DPYSL2: variants seen among roughly 807,000 people sequenced by gnomAD.
The protein encoded by DPYSL2 is dihydropyrimidinase-related protein 2.
DPYSL2 carries 13 observed loss-of-function variants against 69.9 expected under a neutral mutation model. That is an observed-to-expected ratio of 0.19 (90% CI 0.12 to 0.30). DPYSL2 has a LOEUF of 0.30. Ranked by LOEUF, DPYSL2 falls within the 10% of genes least tolerant of loss-of-function variation. The pLI is 1.00. For synonymous variants in DPYSL2, 326 were observed against 359.1 expected, an observed-to-expected ratio of 0.91 and a Z score of 1.04; for missense variants, 587 against 918.9, an observed-to-expected ratio of 0.64 and a Z score of 4.67.
chr8:26,520,096 G>A (rs1162303974), intron 1 of DPYSL2, among the ~76,000 whole-genome samples: 1 of 152,136 alleles, frequency 6.6e-6, no homozygotes, highest in Admixed American at 6.6e-5. Flanking sequence ...CAGTGAATAA[G>A]TCTCACAAGA....
At chr8:26,563,800 T>C (rs564013678) in intron 1 of DPYSL2, among the ~76,000 whole-genome samples, 5 of 152,330 alleles carry the variant, frequency 3.3e-5, no homozygotes, top group Non-Finnish European at 7.3e-5. Flanking sequence ...TTTTTTACTA[T>C]CATATCCCTT....
At position 26,641,815 on chromosome 8, in the gene DPYSL2, C is replaced by T. The variant is rs118022714; in HGVS notation, c.1127-1624C>T. The stretch of plus-strand genomic sequence containing the variant: ...CCTGGAGTGAGCTGCCTGCTGTGGC[C>T]TCCAGCACTCCCCAGCTGAACAGCG... On this transcript the variant is annotated intron_variant, in intron 8 of 13. Coordinates refer to ENST00000521913, the MANE Select transcript of DPYSL2 (RefSeq NM_001197293.3). This position sits in a 1 kb window ranked among gnomAD's most constrained non-coding sequence, Gnocchi z 4.1. Among the ~76,000 whole-genome samples the T allele has an allele frequency of 5.3e-3, 809 of 152,282 alleles. 4 individuals carry two copies. Among genetic ancestry groups the T allele is most frequent in the Middle Eastern group, 0.024 (7 of 294 alleles).
In DPYSL2 at chr8:26,653,356, C is replaced by T; in HGVS notation, c.1901C>T (p.Pro634Leu). 1.9e-6 allele frequency: 3 copies of T among 1,614,122 alleles called. No homozygotes were observed. The highest frequency in any genetic ancestry group is 2.5e-6 in the Non-Finnish European group (3 of 1,180,004). ...AKTSPAKQQAPPVRNLHQSGF... is the reference protein window; with the variant it reads ...AKTSPAKQQALPVRNLHQSGF... The stretch of plus-strand genomic sequence containing the variant: ...ACGTCTCCTGCCAAGCAGCAGGCCC[C>T]ACCTGTCCGGAACCTGCACCAGTCT... Residue 634 changes from proline (P) to leucine (L), a missense_variant, in exon 13 of 14, where the codon CCA (proline) becomes CTA (leucine). Transcript: ENST00000521913. The surrounding 1 kb of genome is among the most constrained non-coding windows in gnomAD (Gnocchi z 5.7).
At chr8:26,569,269 G>A (rs747435325) in intron 1 of DPYSL2, among the ~76,000 whole-genome samples, 1 of 149,980 alleles carries the variant, frequency 6.7e-6, no homozygotes, top group East Asian at 2.0e-4. Context: ...GAGGCAGATC[G>A]CTTGAGCCTA....
intron 3 of DPYSL2, among the ~76,000 whole-genome samples, chr8:26,611,416 T>C (rs1802225657): frequency 6.6e-6 from 1 of 152,084 alleles, no homozygotes; most frequent in Admixed American, 6.5e-5. Context: ...GCCTGTGAGG[T>C]CTCTGGAGGA....
chr8:26,578,395 CT>C (rs945685883), intron 1 of DPYSL2: 61 of 1,575,486 alleles, frequency 3.9e-5, no homozygotes, highest in Admixed American at 9.7e-5. Context: ...AGGGACCGAA[CT>C]TTTTTTTTCC....
intron 1 of DPYSL2, among the ~76,000 whole-genome samples, chr8:26,529,728 A>ATT (rs71216757): frequency 0.094 from 12,762 of 135,374 alleles, 660 homozygotes; most frequent in Non-Finnish European, 0.1. Flanking sequence ...TTTAACCGTA[A>ATT]TTTTTTTTTT....
At position 26,624,028 on chromosome 8, in the gene DPYSL2, AC is replaced by A. The variant is rs765264324; in HGVS notation, c.629-113del. ...TTCTTAGAAGCTGGTTGTAGAGATC[AC>A]CATCTCGATTTTGAACCCAAGAAGC... On this transcript the variant is annotated intron_variant, in intron 3 of 13. Transcript: ENST00000521913. This position sits in a 1 kb window ranked among gnomAD's most constrained non-coding sequence, Gnocchi z 4.7. 1.8e-4 allele frequency: 199 copies of A among 1,077,186 alleles called. No individual in the cohort carries two copies. The highest frequency in any genetic ancestry group is 2.6e-4 in the Non-Finnish European group (193 of 734,352). 66.7% of individuals were successfully genotyped at this position (1,077,186 alleles called of 1,614,324 possible). A position where few individuals can be genotyped will look rare whatever the true frequency, so the allele number is the denominator to read the frequency against.
Position 26,580,125 on chromosome 8 carries a change from G to C in DPYSL2, c.355-1844G>C, listed in dbSNP as rs111995437. ...TTTTTTCATGGCATCATGTTGGCTC[G>C]GGATATTCGCGGTGATGGCTGGGGC... is the stretch of plus-strand genomic sequence containing the variant. On this transcript the variant is annotated intron_variant, in intron 1 of 13. Transcript: ENST00000521913. This position sits in a 1 kb window ranked among gnomAD's most constrained non-coding sequence, Gnocchi z 4.1. 9.2e-5 allele frequency among the ~76,000 whole-genome samples: 14 copies of C among 152,136 alleles called. No homozygotes were observed. Among genetic ancestry groups the C allele is most frequent in the African/African-American group, 3.1e-4 (13 of 41,508 alleles).
Position 26,582,098 on chromosome 8 carries a change from T to C in DPYSL2, c.443+41T>C, listed in dbSNP as rs1026935615. 4 of 1,518,374 alleles carry C rather than the reference T, an allele frequency of 2.6e-6. No individual in the cohort carries two copies. The highest frequency in any genetic ancestry group is 3.4e-5 in the Admixed American group (2 of 59,626). 94.1% of individuals were successfully genotyped at this position (1,518,374 alleles called of 1,614,324 possible). A position where few individuals can be genotyped will look rare whatever the true frequency, so the allele number is the denominator to read the frequency against. On this transcript the variant is annotated intron_variant, in intron 2 of 13. Coordinates refer to ENST00000521913, the MANE Select transcript of DPYSL2 (RefSeq NM_001197293.3). This position sits in a 1 kb window ranked among gnomAD's most constrained non-coding sequence, Gnocchi z 4.1. ...GATATACAGATGTATTTGAACACTT[T>C]CCAGACTTCCCAAGTATTAGATACC...
Position 26,647,902 on chromosome 8 carries a change from T to C in DPYSL2, c.1596+102T>C. The C allele has an allele frequency of 7.2e-7, 1 of 1,383,266 alleles. No homozygotes were observed. Among genetic ancestry groups the C allele is most frequent in the Non-Finnish European group, 9.8e-7 (1 of 1,023,002 alleles). 85.7% of individuals were successfully genotyped at this position (1,383,266 alleles called of 1,614,324 possible). ...GGTTTCTAAAAAGAACTTGCTGTGA[T>C]GGGAATGCGCTCGACTGAGGATGTT... On this transcript the variant is annotated intron_variant, in intron 11 of 13. Transcript: ENST00000521913. The surrounding 1 kb of genome is among the most constrained non-coding windows in gnomAD (Gnocchi z 5.1).
chr8:26,549,886 C>T (rs566359349), intron 1 of DPYSL2, among the ~76,000 whole-genome samples: 1 of 151,726 alleles, frequency 6.6e-6, no homozygotes, highest in Admixed American at 6.6e-5. Flanking sequence ...GAATTTGTCA[C>T]TGGTGACATT....
chr8:26,552,229 G>A lies in DPYSL2; in HGVS notation c.355-29740G>A, dbSNP rs112768415. Among the ~76,000 whole-genome samples, 529 of 152,190 alleles carry A rather than the reference G, an allele frequency of 3.5e-3. 2 individuals carry two copies. Among genetic ancestry groups the A allele is most frequent in the African/African-American group, 0.011 (465 of 41,510 alleles). Reference sequence around the variant, plus strand: ...TACAACTTATCAAAATTTGTGGACCGCAGCAAAAACAGTGCTTAATGAGAG... The same window carrying A: ...TACAACTTATCAAAATTTGTGGACCACAGCAAAAACAGTGCTTAATGAGAG... On this transcript the variant is annotated intron_variant, in intron 1 of 13. Transcript: ENST00000521913.
rs1402935365 is a variant in DPYSL2 at position 26,640,988 on chromosome 8, G to C, written c.1127-2451G>C. 6.6e-6 allele frequency among the ~76,000 whole-genome samples: 1 copy of C among 152,184 alleles called. No homozygotes were observed. The highest frequency in any genetic ancestry group is 1.5e-5 in the Non-Finnish European group (1 of 68,040). Reference sequence around the variant, plus strand: ...ATATTCCTGTGCACAGAGAGAAGGGGAATCCAGCTCCTCATAGAGCAGCTC... The same window carrying C: ...ATATTCCTGTGCACAGAGAGAAGGGCAATCCAGCTCCTCATAGAGCAGCTC... On this transcript the variant is annotated intron_variant, in intron 8 of 13. Coordinates refer to ENST00000521913, the MANE Select transcript of DPYSL2 (RefSeq NM_001197293.3). The surrounding 1 kb of genome is among the most constrained non-coding windows in gnomAD (Gnocchi z 4.2).
rs1563408079 is a variant in DPYSL2, at chr8:26,609,055, A to G, written c.629-15088A>G. ...GGGACTGTTGCTGCAGCTTTTGTACAAGGGTGGAGTGGGTGTCCATTTGCT... is the reference window on the plus strand; with the variant it reads ...GGGACTGTTGCTGCAGCTTTTGTACGAGGGTGGAGTGGGTGTCCATTTGCT... On this transcript the variant is annotated intron_variant, in intron 3 of 13. Transcript: ENST00000521913. This position sits in a 1 kb window ranked among gnomAD's most constrained non-coding sequence, Gnocchi z 6.5. Among the ~76,000 whole-genome samples, 1 of 152,148 alleles carries G rather than the reference A, an allele frequency of 6.6e-6. No individual in the cohort carries two copies. Among genetic ancestry groups the G allele is most frequent in the East Asian group, 1.9e-4 (1 of 5,198 alleles).
intron 1 of DPYSL2, among the ~76,000 whole-genome samples, chr8:26,558,081 A>G (rs565630864): frequency 6.6e-6 from 1 of 152,232 alleles, no homozygotes; most frequent in African/African-American, 2.4e-5. Flanking sequence ...TCCTGCAATC[A>G]TACTCCTTGG....
rs1803202284 is a variant in DPYSL2, at chr8:26,647,764, C to G, written c.1560C>G (p.Asp520Glu). The G allele has an allele frequency of 6.2e-7, 1 of 1,613,898 alleles. No individual in the cohort carries two copies. The highest frequency in any genetic ancestry group is 8.5e-7 in the Non-Finnish European group (1 of 1,179,972). ...CCGACCTGGTCATCTGGGACCCCGA[C>G]AGCGTTAAAACCATCTCTGCCAAGA... is the stretch of plus-strand genomic sequence containing the variant. Reference protein sequence around the residue: ...SDADLVIWDPDSVKTISAKTH... With the variant: ...SDADLVIWDPESVKTISAKTH... Residue 520 changes from aspartate (D) to glutamate (E), a missense_variant, in exon 11 of 14, where the codon GAC (aspartate) becomes GAG (glutamate). This residue lies in a region of DPYSL2 where 452 missense variants were observed against 754.3 expected (regional missense o/e 0.60). Coordinates refer to ENST00000521913, the MANE Select transcript of DPYSL2 (RefSeq NM_001197293.3). The surrounding 1 kb of genome is among the most constrained non-coding windows in gnomAD (Gnocchi z 5.1).
chr8:26,578,940 G>A (rs1801422740), intron 1 of DPYSL2, among the ~76,000 whole-genome samples: 1 of 112,654 alleles, frequency 8.9e-6, no homozygotes, highest in Non-Finnish European at 1.9e-5. Flanking sequence ...TGTTGGCCAG[G>A]AACCGGTTTT....
chr8:26,602,917 G>A (rs889784151), intron 3 of DPYSL2, among the ~76,000 whole-genome samples: 6 of 152,240 alleles, frequency 3.9e-5, no homozygotes, highest in Non-Finnish European at 8.8e-5. Flanking sequence ...TCCTATGTGA[G>A]CTGACCCTTG....
Sources: allele counts gnomAD v4.1 joint callset (sites outside exome capture counted in the v4.1 genomes callset), GRCh38; gene constraint gnomAD v4.1.1; regional missense constraint gnomAD v4.1.1; non-coding constraint Gnocchi (gnomAD v3.1); transcripts MANE v1.5; gene names NCBI Gene and HGNC (gene_info 2026-07-23, HGNC 2026-07-21).